SH3TC1: variants seen among roughly 807,000 people sequenced by gnomAD.
SH3TC1 encodes SH3 domain and tetratricopeptide repeats 1.
SH3TC1 carries 135 observed loss-of-function variants against 117.3 expected under a neutral mutation model. The observed-to-expected ratio is 1.15, with a 90% CI of 1.00 to 1.33. The LOEUF is 1.33. Ranked by LOEUF, SH3TC1 falls within the 40% of genes most tolerant of loss-of-function variation. The probability of loss-of-function intolerance (pLI) is 0.00; values close to 1 mark genes in which losing one functional copy is unlikely to be tolerated. For missense variants in SH3TC1, 2,092 were observed against 1,794.3 expected (o/e 1.17, Z -3.00); for synonymous variants, 898 against 816.9 (o/e 1.10, Z -1.69).
chr4:8,218,482 T>G, intron 8 of SH3TC1, 135 bp downstream of exon 8: 1 of 597,042 alleles, frequency 1.7e-6, no homozygotes, highest in Admixed American at 3.3e-5. Flanking sequence ...TAATTGTGGT[T>G]TTTGTTATTG....
chr4:8,210,080 TC>T lies in SH3TC1; in HGVS notation c.247+260del, dbSNP rs1468911441. ...AAACGGCAGACACGGTCCTGGGGGC[TC>T]CGTGGGTGACACCCCAGGGAGGGGC... On this transcript the variant is annotated intron_variant, in intron 3 of 17. Coordinates refer to ENST00000245105, the MANE Select transcript of SH3TC1 (RefSeq NM_018986.5). This position sits in a 1 kb window ranked among gnomAD's most constrained non-coding sequence, Gnocchi z 4.1. Among the ~76,000 whole-genome samples, 1 of 152,138 alleles carries T rather than the reference TC, an allele frequency of 6.6e-6. No individual in the cohort carries two copies. Among genetic ancestry groups the T allele is most frequent in the Admixed American group, 6.5e-5 (1 of 15,284 alleles).
chr4:8,203,668 C>T (rs369555890), intron 1 of SH3TC1, among the ~76,000 whole-genome samples: 9 of 152,142 alleles, frequency 5.9e-5, no homozygotes, highest in Admixed American at 1.3e-4. Context: ...CCCATCTCCC[C>T]GCCCCTGCAA....
rs780192982 is a variant in SH3TC1, at chr4:8,227,970, A to C, written c.2276A>C (p.His759Pro). Residue 759 changes from histidine to proline, a missense_variant, in exon 12 of 18, where the codon CAC becomes CCC. Coordinates refer to ENST00000245105, the MANE Select transcript of SH3TC1 (RefSeq NM_018986.5). ...NLVLQNAPQP[H>P]SLPAQTSHYL... Reference sequence around the variant, plus strand: ...GTGCTCCAGAACGCCCCCCAGCCCCACAGCCTCCCTGCCCAAACTTCCCAC... The same window carrying C: ...GTGCTCCAGAACGCCCCCCAGCCCCCCAGCCTCCCTGCCCAAACTTCCCAC... 4 of 1,612,268 alleles carry C rather than the reference A, an allele frequency of 2.5e-6. No individual in the cohort carries two copies. Among genetic ancestry groups the C allele is most frequent in the South Asian group, 1.1e-5 (1 of 91,058 alleles).
intron 1 of SH3TC1, among the ~76,000 whole-genome samples, chr4:8,203,373 C>T (rs1417716166): frequency 6.6e-6 from 1 of 152,044 alleles, no homozygotes; most frequent in East Asian, 1.9e-4. Context: ...GGAGGTAGGC[C>T]TTCCCTGGGG....
rs767691691 is a variant in SH3TC1 at position 8,205,553 on chromosome 4, T to C, written c.172+187T>C. On this transcript the variant is annotated intron_variant, in intron 2 of 17. Transcript: ENST00000245105. This position sits in a 1 kb window ranked among gnomAD's most constrained non-coding sequence, Gnocchi z 5.4. Reference sequence around the variant, plus strand: ...GTTTAACAGGAGCCACTGTGCCCGCTGAGTCACTTGAGAGGCCAGGGCCCA... The same window carrying C: ...GTTTAACAGGAGCCACTGTGCCCGCCGAGTCACTTGAGAGGCCAGGGCCCA... 2.0e-5 allele frequency: 17 copies of C among 866,144 alleles called. No homozygotes were observed. The highest frequency in any genetic ancestry group is 3.1e-5 in the Non-Finnish European group (16 of 509,666). 53.7% of individuals were successfully genotyped at this position (866,144 alleles called of 1,614,324 possible). A position where few individuals can be genotyped will look rare whatever the true frequency, so the allele number is the denominator to read the frequency against.
chr4:8,214,314 A>T (rs767322001), intron 4 of SH3TC1, among the ~76,000 whole-genome samples, 161 bp from the exon 5 acceptor site: 1 of 152,174 alleles, frequency 6.6e-6, no homozygotes, highest in Non-Finnish European at 1.5e-5. Context: ...GCTTGAGAGC[A>T]GGGGAGGAGC....
chr4:8,226,090 G>T (rs1250315779), intron 11 of SH3TC1, among the ~76,000 whole-genome samples: 1 of 152,166 alleles, frequency 6.6e-6, no homozygotes, highest in East Asian at 1.9e-4. Flanking sequence ...GATGAATAAG[G>T]AGACAGTTTG....
chr4:8,205,253 T>C lies in SH3TC1; in HGVS notation c.59T>C (p.Val20Ala). ...EEPTPMGRGP[V>A]GPSGGGSTRD... ...CCGACCCCCATGGGGAGGGGTCCTG[T>C]GGGACCCTCAGGAGGTGGCAGCACC... is the stretch of plus-strand genomic sequence containing the variant. The change falls in exon 2 of 18, where the codon GTG becomes GCG. Residue 20 changes from valine (V) to alanine (A), a missense_variant. Coordinates refer to ENST00000245105, the MANE Select transcript of SH3TC1 (RefSeq NM_018986.5). The surrounding 1 kb of genome is among the most constrained non-coding windows in gnomAD (Gnocchi z 5.4). 1 of 1,550,462 alleles carries C rather than the reference T, an allele frequency of 6.4e-7. No individual in the cohort carries two copies. The highest frequency in any genetic ancestry group is 8.7e-7 in the Non-Finnish European group (1 of 1,147,106).
intron 5 of SH3TC1, chr4:8,215,249 T>C (rs1260360919): frequency 6.6e-6 from 3 of 456,090 alleles, no homozygotes; most frequent in South Asian, 4.6e-5. Context: ...CCACGTGAGC[T>C]CTTCCTGGCA....
rs750186863 is a variant in SH3TC1 at position 8,206,497 on chromosome 4, C to A, written c.172+1131C>A. Reference sequence around the variant, plus strand: ...CGGGGCCCAGGGAGGAGCTGGGAGCCTCTGGGAAGGGGAGTGGTAGGAGTT... The same window carrying A: ...CGGGGCCCAGGGAGGAGCTGGGAGCATCTGGGAAGGGGAGTGGTAGGAGTT... On this transcript the variant is annotated intron_variant, in intron 2 of 17. Transcript: ENST00000245105. The surrounding 1 kb of genome is among the most constrained non-coding windows in gnomAD (Gnocchi z 5.5). Among the ~76,000 whole-genome samples, 36 of 152,262 alleles carry A rather than the reference C, an allele frequency of 2.4e-4. No homozygotes were observed. The highest frequency in any genetic ancestry group is 1.6e-3 in the Admixed American group (24 of 15,302).
rs1720408379 is a variant in SH3TC1, at chr4:8,225,879, T to C, written c.1285+663T>C. ...AAGGGAAGGCTGTTGTAGGTTTTCC[T>C]GGGGGAGGGGGTGGATCCACCCTCT... On this transcript the variant is annotated intron_variant, in intron 11 of 17. Transcript: ENST00000245105. The surrounding 1 kb of genome is among the most constrained non-coding windows in gnomAD (Gnocchi z 5.5). 6.6e-6 allele frequency among the ~76,000 whole-genome samples: 1 copy of C among 152,040 alleles called. No individual in the cohort carries two copies. The highest frequency in any genetic ancestry group is 1.5e-5 in the Non-Finnish European group (1 of 67,986).
rs111740526 is a variant in SH3TC1 at position 8,227,900 on chromosome 4, C to A, written c.2206C>A (p.Arg736=). The change falls in exon 12 of 18, where the codon CGG becomes AGG. Residue 736 remains arginine, a synonymous_variant. Coordinates refer to ENST00000245105, the MANE Select transcript of SH3TC1 (RefSeq NM_018986.5). ...VLSCVKVASL[R]TRGSLAGSLR... is the part of the protein sequence containing the mutation. ...GAGCTGTGTCAAGGTGGCCTCATTG[C>A]GGACACGGGGCTCGCTGGCCGGCTC... 2 of 1,612,802 alleles carry A rather than the reference C, an allele frequency of 1.2e-6. No individual in the cohort carries two copies. Among genetic ancestry groups the A allele is most frequent in the Non-Finnish European group, 1.7e-6 (2 of 1,179,970 alleles).
chr4:8,212,720 G>C lies in SH3TC1; in HGVS notation c.267G>C (p.Leu89=), dbSNP rs780811426. The C allele has an allele frequency of 6.2e-6, 10 of 1,612,836 alleles. No homozygotes were observed. The highest frequency in any genetic ancestry group is 8.5e-6 in the Non-Finnish European group (10 of 1,179,950). The change falls in exon 4 of 18, where the codon CTG becomes CTC. Residue 89 remains leucine, a synonymous_variant. Transcript: ENST00000245105. ...CTCCAGACCTGACCCTGCAGCTGCTGGCTGTGCGGAGGAAGAGCAGACTGC... is the reference window on the plus strand; with the variant it reads ...CTCCAGACCTGACCCTGCAGCTGCTCGCTGTGCGGAGGAAGAGCAGACTGC... ...VYPTDLTLQL[L]AVRRKSRLRD...
In SH3TC1 at chr4:8,183,804, T is replaced by C. The variant is rs2152973462; in HGVS notation, c.-57+1594T>C. 6.6e-6 allele frequency among the ~76,000 whole-genome samples: 1 copy of C among 152,256 alleles called. No homozygotes were observed. Among genetic ancestry groups the C allele is most frequent in the African/African-American group, 2.4e-5 (1 of 41,550 alleles). On this transcript the variant is annotated intron_variant, in intron 1 of 16. Coordinates refer to the SH3TC1 transcript ENST00000508641. The surrounding 1 kb of genome is among the most constrained non-coding windows in gnomAD (Gnocchi z 5.4). ...CAGCCCACACCTGACTCAGATTTCC[T>C]TCGTCTTTACCTAACGCCTTCGCCT...
intron 1 of SH3TC1, among the ~76,000 whole-genome samples, chr4:8,191,092 G>A (rs1717402569): frequency 6.6e-6 from 1 of 152,144 alleles, no homozygotes; most frequent in Admixed American, 6.6e-5. Flanking sequence ...AGGAAGGAAG[G>A]TCCCTCTTCT....
chr4:8,191,109 T>G (rs1314643676), intron 1 of SH3TC1, among the ~76,000 whole-genome samples: 1 of 152,100 alleles, frequency 6.6e-6, no homozygotes, highest in Non-Finnish European at 1.5e-5. Context: ...TTCTGAAATC[T>G]CCTCTGGGGA....
intron 17 of SH3TC1, 118 bp downstream of exon 17, chr4:8,237,788 G>A (rs1385611081): frequency 2.6e-6 from 3 of 1,146,946 alleles, no homozygotes; most frequent in East Asian, 5.9e-5. Flanking sequence ...GGCCTCCCTG[G>A]AGCGCTGCGC....
intron 13 of SH3TC1, chr4:8,233,042 G>A (rs1721389717): frequency 4.9e-6 from 6 of 1,227,946 alleles, no homozygotes; most frequent in African/African-American, 1.6e-5. Flanking sequence ...GGCCTGGATA[G>A]CATCTGAACA....
Position 8,190,512 on chromosome 4 carries a change from G to A in SH3TC1, c.-57+8302G>A, listed in dbSNP as rs893763574. Among the ~76,000 whole-genome samples the A allele has an allele frequency of 1.3e-5, 2 of 152,170 alleles. No individual in the cohort carries two copies. Among genetic ancestry groups the A allele is most frequent in the Admixed American group, 6.5e-5 (1 of 15,290 alleles). Reference sequence around the variant, plus strand: ...ATCTGATGTCCCCGGGCTCTTGGGAGAATGGCAGCCTTGCAGCCCCTGCTG... The same window carrying A: ...ATCTGATGTCCCCGGGCTCTTGGGAAAATGGCAGCCTTGCAGCCCCTGCTG... On this transcript the variant is annotated intron_variant, in intron 1 of 16. Transcript: ENST00000508641. The surrounding 1 kb of genome is among the most constrained non-coding windows in gnomAD (Gnocchi z 4.7).
Sources: allele counts gnomAD v4.1 joint callset (sites outside exome capture counted in the v4.1 genomes callset), GRCh38; gene constraint gnomAD v4.1.1; non-coding constraint Gnocchi (gnomAD v3.1); transcripts MANE v1.5; gene names NCBI Gene and HGNC (gene_info 2026-07-23, HGNC 2026-07-21).